KALRN: variants seen among roughly 807,000 people sequenced by gnomAD.
KALRN encodes the protein kalirin.
KALRN carries 70 observed loss-of-function variants against 353.7 expected under a neutral mutation model. That is an observed-to-expected ratio of 0.20 (90% CI 0.16 to 0.24). The LOEUF is 0.24. Among genes scored for constraint, KALRN ranks in the 10% least tolerant of loss-of-function variants. The pLI, the probability that KALRN is intolerant of heterozygous loss-of-function variation, is 1.00. For synonymous variants in KALRN, 1,391 were observed against 1,434.8 expected, an observed-to-expected ratio of 0.97 and a Z score of 0.69; for missense variants, 2,791 against 3,756.7, an observed-to-expected ratio of 0.74 and a Z score of 6.72.
chr3:124,433,260 G>A (rs976860289), intron 16 of KALRN, among the ~76,000 whole-genome samples: 21 of 151,690 alleles, frequency 1.4e-4, no homozygotes, highest in Admixed American at 9.2e-4. Context: ...AAGTAAAAAA[G>A]TAAATAAAAA....
At chr3:124,355,349 C>T (rs2083272447) in intron 10 of KALRN, among the ~76,000 whole-genome samples, 1 of 152,080 alleles carries the variant, frequency 6.6e-6, no homozygotes. Context: ...GCGCCTAATT[C>T]TGGAAAATAT....
chr3:124,549,384 A>G (rs2070173115), intron 33 of KALRN, among the ~76,000 whole-genome samples: 1 of 146,870 alleles, frequency 6.8e-6, no homozygotes, highest in African/African-American at 2.5e-5. Context: ...CACACACACA[A>G]TCACACACAC....
At chr3:124,300,337 G>A (rs1406409949) in intron 6 of KALRN, among the ~76,000 whole-genome samples, 1 of 152,180 alleles carries the variant, frequency 6.6e-6, no homozygotes, top group East Asian at 1.9e-4. Context: ...AATGTCAGTG[G>A]TTGAAAACAA....
chr3:124,689,252 G>C (rs1308113728), intron 51 of KALRN, among the ~76,000 whole-genome samples: 1 of 151,938 alleles, frequency 6.6e-6, no homozygotes, highest in East Asian at 1.9e-4. Flanking sequence ...TGTTGCCCAG[G>C]CAACAGTTGC....
rs538215429 is a variant in KALRN at position 124,568,234 on chromosome 3, T to C, written c.5182+5145T>C. On this transcript the variant is annotated intron_variant, in intron 34 of 59. Coordinates refer to ENST00000682506, the MANE Select transcript of KALRN (RefSeq NM_001388419.1). ...CCAAAGAAGATATACAAGTGACCAA[T>C]AAGTACATGAAAAGATATTCAACAT... Among the ~76,000 whole-genome samples the C allele has an allele frequency of 2.6e-5, 4 of 152,260 alleles. No individual in the cohort carries two copies. The South Asian group carries it at 8.3e-4, about 32-fold the overall frequency.
At chr3:124,275,630 C>T (rs934608863) in intron 5 of KALRN, among the ~76,000 whole-genome samples, 6 of 152,186 alleles carry the variant, frequency 3.9e-5, no homozygotes, top group East Asian at 1.9e-4. Context: ...ATTGGCTTCC[C>T]TTCCTTCTCC....
chr3:124,685,181 C>T (rs2061505201), intron 51 of KALRN, among the ~76,000 whole-genome samples: 1 of 151,992 alleles, frequency 6.6e-6, no homozygotes, highest in South Asian at 2.1e-4. Flanking sequence ...TTTATTTTTG[C>T]AAAATATTTT....
chr3:124,708,209 T>A (rs1249401418), intron 57 of KALRN, among the ~76,000 whole-genome samples: 1 of 152,218 alleles, frequency 6.6e-6, no homozygotes, highest in Non-Finnish European at 1.5e-5. Context: ...ACATAACATT[T>A]GAAATGTTTG....
chr3:124,265,295 A>ATTTTTTTTTTTTTTTTTTTTT (rs1465968614), intron 4 of KALRN, among the ~76,000 whole-genome samples: 3 of 61,094 alleles, frequency 4.9e-5, no homozygotes, highest in Non-Finnish European at 3.5e-5. Flanking sequence ...TTAAGAAAAT[A>ATTTTTTTTTTTTTTTTTTTTT]TTCTTTTTTT....
At chr3:124,183,039 TC>T (rs2073813939) in intron 1 of KALRN, among the ~76,000 whole-genome samples, 1 of 152,106 alleles carries the variant, frequency 6.6e-6, no homozygotes, top group African/African-American at 2.4e-5. Flanking sequence ...TAAATCCCAG[TC>T]CCTCAGAATG....
intron 49 of KALRN, among the ~76,000 whole-genome samples, chr3:124,677,189 T>C (rs2087289142): frequency 6.6e-6 from 1 of 152,188 alleles, no homozygotes; most frequent in South Asian, 2.1e-4. Context: ...GACAAGGAGA[T>C]ACTGAGGGGA....
chr3:124,410,317 A>T (rs529002632), intron 13 of KALRN: 1 of 524,654 alleles, frequency 1.9e-6, no homozygotes, highest in African/African-American at 1.9e-5. Context: ...ACAGAACCTA[A>T]AATCAAAAGA....
intron 2 of KALRN, among the ~76,000 whole-genome samples, chr3:124,233,143 T>C (rs973695081): frequency 4.5e-4 from 69 of 152,196 alleles, no homozygotes; most frequent in African/African-American, 1.6e-3. Flanking sequence ...CTGTGGTTCC[T>C]TGTGGTTCCA....
chr3:124,326,853 A>G (rs2079967766), intron 7 of KALRN, among the ~76,000 whole-genome samples: 1 of 152,236 alleles, frequency 6.6e-6, no homozygotes. Context: ...TAGGTTTATA[A>G]TTAAATGTGT....
intron 27 of KALRN, 114 bp downstream of exon 27, chr3:124,477,448 C>A (rs1561071482): frequency 2.6e-6 from 2 of 777,836 alleles, no homozygotes; most frequent in Non-Finnish European, 2.2e-6. Context: ...TCTTTACTGG[C>A]CACTGCAAAC....
intron 34 of KALRN, among the ~76,000 whole-genome samples, chr3:124,628,063 G>A (rs1044040603): frequency 1.3e-5 from 2 of 152,102 alleles, no homozygotes; most frequent in African/African-American, 4.8e-5. Context: ...TGAGATTTGT[G>A]CCCATGAGAC....
At chr3:124,470,534 TAA>T (rs11295872) in intron 25 of KALRN, among the ~76,000 whole-genome samples, 10 of 146,110 alleles carry the variant, frequency 6.8e-5, no homozygotes, top group East Asian at 4.4e-4. Context: ...ATAGGTTTTT[TAA>T]AAAAAAAAAT....
intron 1 of KALRN, among the ~76,000 whole-genome samples, chr3:124,083,921 T>G (rs2060670074): frequency 6.6e-6 from 1 of 152,228 alleles, no homozygotes; most frequent in African/African-American, 2.4e-5. Context: ...GTGGATGGTT[T>G]TGTTATGTCT....
chr3:124,282,151 G>A (rs2075401541), intron 5 of KALRN, among the ~76,000 whole-genome samples: 1 of 152,160 alleles, frequency 6.6e-6, no homozygotes, highest in Non-Finnish European at 1.5e-5. Flanking sequence ...GTGACTGGCT[G>A]GATGTCAGGG....
Sources: gnomAD v4.1 joint callset for allele counts (sites outside exome capture counted in the v4.1 genomes callset) on GRCh38, gnomAD v4.1.1 for gene constraint, MANE v1.5 for transcripts, NCBI Gene and HGNC (gene_info 2026-07-23, HGNC 2026-07-21) for gene names.